Variants in NXPE2 observed in about 807,000 individuals in gnomAD.
NXPE2 encodes NXPE family member 2.
NXPE2 carries 34 observed loss-of-function variants against 34.4 expected under a neutral mutation model. The observed-to-expected ratio is 0.99, with a 90% CI of 0.75 to 1.31. The LOEUF (loss-of-function observed/expected upper bound fraction) is 1.31. Ranked by LOEUF, NXPE2 falls within the 40% of genes most tolerant of loss-of-function variation. NXPE2 has a pLI of 0.00. For missense variants in NXPE2, 649 were observed against 672.5 expected, an observed-to-expected ratio of 0.97 and a Z score of 0.39; for synonymous variants, 235 against 231.3, an observed-to-expected ratio of 1.02 and a Z score of -0.15.
the NXPE2 span, among the ~76,000 whole-genome samples, chr11:114,495,268 G>A: frequency 6.6e-6 from 1 of 151,886 alleles, no homozygotes; most frequent in Non-Finnish European, 1.5e-5. Context: ...CAGCAGGTGG[G>A]AAATCCAGCC....
chr11:114,496,779 G>A, the NXPE2 span, among the ~76,000 whole-genome samples: 1 of 152,062 alleles, frequency 6.6e-6, no homozygotes, highest in South Asian at 2.1e-4. Flanking sequence ...ATATGATGGT[G>A]GTCTCTTAAG....
At chr11:114,614,640 T>C in the NXPE2 span, among the ~76,000 whole-genome samples, 1 of 151,108 alleles carries the variant, frequency 6.6e-6, no homozygotes, top group East Asian at 2.0e-4. Context: ...ATTATAAGTA[T>C]TGCCTTGTGG....
At chr11:114,617,869 G>A in the NXPE2 span, among the ~76,000 whole-genome samples, 1 of 152,084 alleles carries the variant, frequency 6.6e-6, no homozygotes, top group African/African-American at 2.4e-5. Flanking sequence ...TTGCCTCATG[G>A]GTAACCACTC....
the NXPE2 span, among the ~76,000 whole-genome samples, chr11:114,642,689 G>A: frequency 1.3e-5 from 2 of 152,042 alleles, no homozygotes; most frequent in South Asian, 4.1e-4. Context: ...TTGGTTCCAA[G>A]TCTTTGCTAT....
chr11:114,600,240 G>T, the NXPE2 span, among the ~76,000 whole-genome samples: 1 of 152,124 alleles, frequency 6.6e-6, no homozygotes, highest in Admixed American at 6.6e-5. Flanking sequence ...GTGATGATGG[G>T]TTAACATAAC....
the NXPE2 span, among the ~76,000 whole-genome samples, chr11:114,754,107 AT>A: frequency 6.6e-6 from 1 of 152,186 alleles, no homozygotes; most frequent in Non-Finnish European, 1.5e-5. Context: ...ACAAGTTAAT[AT>A]TTGCCGAATA....
At chr11:114,677,436 A>C (rs1950871092), upstream of NXPE2, among the ~76,000 whole-genome samples, 1 of 152,088 alleles carries the variant, frequency 6.6e-6, no homozygotes, top group Admixed American at 6.6e-5. Context: ...AAAGTTGAAA[A>C]ACAATTCTGG....
the NXPE2 span, among the ~76,000 whole-genome samples, chr11:114,788,750 T>C: frequency 6.6e-6 from 1 of 152,324 alleles, no homozygotes; most frequent in South Asian, 2.1e-4. Flanking sequence ...TGACCTTCTT[T>C]AGGGTGAGCT....
chr11:114,475,226 G>GTTTTTTTTTTTTTTT, the NXPE2 span, among the ~76,000 whole-genome samples: 19 of 88,060 alleles, frequency 2.2e-4, 5 homozygotes, highest in African/African-American at 2.9e-4. Flanking sequence ...AATGTGAACT[G>GTTTTTTTTTTTTTTT]TTTTTTTTTT....
the NXPE2 span, among the ~76,000 whole-genome samples, chr11:114,492,997 A>C: frequency 6.6e-6 from 1 of 152,202 alleles, no homozygotes; most frequent in African/African-American, 2.4e-5. Flanking sequence ...TGTTGAGTAC[A>C]TATATATTCA....
the NXPE2 span, among the ~76,000 whole-genome samples, chr11:114,504,073 CT>C: frequency 2.6e-5 from 4 of 152,212 alleles, no homozygotes; most frequent in Admixed American, 6.5e-5. Flanking sequence ...AGTTTCCCCC[CT>C]ATACTGCAGC....
chr11:114,703,126 T>G (rs1268560977), intron 3 of NXPE2, among the ~76,000 whole-genome samples: 3 of 152,146 alleles, frequency 2.0e-5, no homozygotes, highest in Non-Finnish European at 4.4e-5. Context: ...GATAACAGAC[T>G]ATGAAAAATA....
the NXPE2 span, among the ~76,000 whole-genome samples, chr11:114,602,096 ATATAT>A: frequency 4.3e-4 from 41 of 96,132 alleles, no homozygotes; most frequent in South Asian, 4.0e-3. Context: ...TATATATAAC[ATATAT>A]TATAATATAT....
the NXPE2 span, among the ~76,000 whole-genome samples, chr11:114,647,938 G>A: frequency 6.6e-6 from 1 of 152,126 alleles, no homozygotes; most frequent in African/African-American, 2.4e-5. Flanking sequence ...CTGACCTCGT[G>A]ATCCACCTGC....
At chr11:114,658,156 A>G in the NXPE2 span, among the ~76,000 whole-genome samples, 1 of 152,236 alleles carries the variant, frequency 6.6e-6, no homozygotes, top group Non-Finnish European at 1.5e-5. Context: ...CATTTAACTT[A>G]TTAGAAATTG....
chr11:114,642,242 A>G, the NXPE2 span, among the ~76,000 whole-genome samples: 2 of 151,996 alleles, frequency 1.3e-5, no homozygotes, highest in South Asian at 2.1e-4. Context: ...CGGTCTAACA[A>G]TGAGAAAAAC....
At chr11:114,561,305 G>C in the NXPE2 span, among the ~76,000 whole-genome samples, 1 of 152,144 alleles carries the variant, frequency 6.6e-6, no homozygotes, top group Non-Finnish European at 1.5e-5. Flanking sequence ...TTTATGCATG[G>C]GAGTAAATTT....
the NXPE2 span, among the ~76,000 whole-genome samples, chr11:114,719,600 T>A: frequency 6.6e-6 from 1 of 152,252 alleles, no homozygotes; most frequent in East Asian, 1.9e-4. Flanking sequence ...AAGGAGTTTA[T>A]AACAGTCACA....
At chr11:114,794,132 C>A in the NXPE2 span, among the ~76,000 whole-genome samples, 3 of 152,192 alleles carry the variant, frequency 2.0e-5, no homozygotes, top group Non-Finnish European at 4.4e-5. Flanking sequence ...TGAGTCTCTC[C>A]CGTCGGCTCT....
Sources: allele counts gnomAD v4.1 joint callset (sites outside exome capture counted in the v4.1 genomes callset), GRCh38; gene constraint gnomAD v4.1.1; transcripts MANE v1.5; gene names NCBI Gene and HGNC (gene_info 2026-07-23, HGNC 2026-07-21).